ROBO1: variants seen among roughly 807,000 people sequenced by gnomAD.
ROBO1 encodes the protein roundabout homolog 1.
A neutral mutation model predicts 195.9 loss-of-function variants in ROBO1; 149 were observed. That is an observed-to-expected ratio of 0.76 (90% CI 0.67 to 0.87). The LOEUF (loss-of-function observed/expected upper bound fraction) is 0.87, where lower values mean the gene tolerates loss of function less well. Among genes scored for constraint, ROBO1 ranks in the 40% least tolerant of loss-of-function variants. ROBO1 has a pLI of 0.00. For missense variants in ROBO1, 1,933 were observed against 2,068.3 expected, an observed-to-expected ratio of 0.93 and a Z score of 1.27; for synonymous variants, 816 against 733.2, an observed-to-expected ratio of 1.11 and a Z score of -1.82.
At chr3:79,333,569 C>T (rs2034540115) in intron 2 of ROBO1, among the ~76,000 whole-genome samples, 1 of 152,080 alleles carries the variant, frequency 6.6e-6, no homozygotes, top group Non-Finnish European at 1.5e-5. Context: ...GATCTGAATC[C>T]CACCCACTCC....
intron 4 of ROBO1, among the ~76,000 whole-genome samples, chr3:78,831,842 A>T (rs1255541001): frequency 6.6e-6 from 1 of 152,210 alleles, no homozygotes; most frequent in Non-Finnish European, 1.5e-5. Context: ...ACTCCCCTTT[A>T]TAAAACCATC....
At position 79,275,033 on chromosome 3, in the gene ROBO1, G is replaced by A. The variant is rs960330321; in HGVS notation, c.89-149494C>T. ...GAAATGCTCAGGACCCAGTAGATAC[G>A]CTGCTGTATTTTACCAAACATTTAA... On this transcript the variant is annotated intron_variant, in intron 2 of 30. Coordinates refer to ENST00000464233, the MANE Select transcript of ROBO1 (RefSeq NM_002941.4). Among the ~76,000 whole-genome samples, 8 of 151,748 alleles carry A rather than the reference G, an allele frequency of 5.3e-5. No individual in the cohort carries two copies. In the South Asian group the frequency reaches 8.3e-4, roughly 16 times the overall value.
At position 79,240,358 on chromosome 3, in the gene ROBO1, A is replaced by G. The variant is rs567229496; in HGVS notation, c.89-114819T>C. On this transcript the variant is annotated intron_variant, in intron 2 of 30. Transcript: ENST00000464233. ...TCCTATTATGTGGCACAAATTTTTGAAGAAGAAAATGGATATGAACAGTTA... is the reference window on the plus strand; with the variant it reads ...TCCTATTATGTGGCACAAATTTTTGGAGAAGAAAATGGATATGAACAGTTA... Among the ~76,000 whole-genome samples, 15 of 152,282 alleles carry G rather than the reference A, an allele frequency of 9.9e-5. No homozygotes were observed. In the South Asian group the frequency reaches 2.9e-3, roughly 29 times the overall value.
At chr3:79,632,458 C>T (rs544735274) in intron 1 of ROBO1, among the ~76,000 whole-genome samples, 1 of 152,080 alleles carries the variant, frequency 6.6e-6, no homozygotes, top group African/African-American at 2.4e-5. Context: ...AAATAACAGA[C>T]ACTGAGGATT....
chr3:78,838,495 T>C (rs2032926475), intron 4 of ROBO1, among the ~76,000 whole-genome samples: 1 of 152,190 alleles, frequency 6.6e-6, no homozygotes, highest in Admixed American at 6.5e-5. Flanking sequence ...AGACTGGGCA[T>C]CTGGTGACGG....
chr3:79,397,589 C>T (rs1365835631), intron 2 of ROBO1, among the ~76,000 whole-genome samples: 2 of 152,096 alleles, frequency 1.3e-5, no homozygotes, highest in South Asian at 2.1e-4. Flanking sequence ...GCCTTAAATT[C>T]AAAACAAGCA....
intron 4 of ROBO1, among the ~76,000 whole-genome samples, chr3:78,775,134 C>CA (rs2083472061): frequency 6.6e-6 from 1 of 152,104 alleles, no homozygotes; most frequent in Admixed American, 6.6e-5. Context: ...GTACCCATGA[C>CA]AAAACAAAGA....
intron 1 of ROBO1, among the ~76,000 whole-genome samples, chr3:79,605,558 T>C (rs1365379853): frequency 6.6e-6 from 1 of 151,978 alleles, no homozygotes; most frequent in East Asian, 1.9e-4. Flanking sequence ...TTCCCAGCTC[T>C]ACCATTCAGG....
intron 2 of ROBO1, among the ~76,000 whole-genome samples, chr3:79,292,101 A>G (rs2032285155): frequency 6.6e-6 from 1 of 152,164 alleles, no homozygotes; most frequent in Non-Finnish European, 1.5e-5. Context: ...CATCCCTTGT[A>G]AGTTGTATTC....
chr3:79,186,661 T>G (rs1317376924), intron 2 of ROBO1, among the ~76,000 whole-genome samples: 1 of 152,078 alleles, frequency 6.6e-6, no homozygotes, highest in Non-Finnish European at 1.5e-5. Flanking sequence ...GACCATGTGG[T>G]TCACTTTCAG....
At chr3:78,925,092 A>C (rs1250901724) in intron 4 of ROBO1, among the ~76,000 whole-genome samples, 1 of 152,118 alleles carries the variant, frequency 6.6e-6, no homozygotes, top group Non-Finnish European at 1.5e-5. Flanking sequence ...GTAAACATTG[A>C]GGTAAACTTT....
intron 2 of ROBO1, among the ~76,000 whole-genome samples, chr3:79,381,373 A>G (rs868793048): frequency 2.6e-3 from 298 of 115,354 alleles, no homozygotes; most frequent in Non-Finnish European, 4.1e-3. Context: ...AAAAAAAAAA[A>G]AAAAGAAAAG....
intron 3 of ROBO1, among the ~76,000 whole-genome samples, chr3:79,087,193 T>C (rs2079386930): frequency 6.6e-6 from 1 of 152,070 alleles, no homozygotes; most frequent in East Asian, 1.9e-4. Flanking sequence ...GATACACAAC[T>C]CTAGAAAAAC....
At chr3:79,059,654 C>T (rs1002929596) in intron 3 of ROBO1, among the ~76,000 whole-genome samples, 1 of 151,972 alleles carries the variant, frequency 6.6e-6, no homozygotes. Flanking sequence ...GTCTTTACTG[C>T]AATCTCTGAA....
intron 7 of ROBO1, among the ~76,000 whole-genome samples, chr3:78,716,395 C>T (rs2081903591): frequency 6.6e-6 from 1 of 151,826 alleles, no homozygotes; most frequent in African/African-American, 2.4e-5. Context: ...GAATGAGTGC[C>T]AGCAGGGGAA....
At chr3:79,107,421 A>G (rs2079805405) in intron 3 of ROBO1, among the ~76,000 whole-genome samples, 1 of 151,814 alleles carries the variant, frequency 6.6e-6, no homozygotes, top group African/African-American at 2.4e-5. Context: ...AGTTGCAAAC[A>G]TAAAATACAT....
intron 3 of ROBO1, among the ~76,000 whole-genome samples, chr3:78,952,767 A>C (rs571924727): frequency 6.6e-6 from 1 of 152,238 alleles, no homozygotes; most frequent in African/African-American, 2.4e-5. Context: ...GGAATGGATT[A>C]TAATAACTAC....
intron 2 of ROBO1, among the ~76,000 whole-genome samples, chr3:79,202,557 G>A: frequency 6.7e-6 from 1 of 148,230 alleles, no homozygotes. Flanking sequence ...AAATGGAGTT[G>A]AGATCAACTA....
rs145186389 is a variant in ROBO1 at position 79,496,387 on chromosome 3, C to CATTTTTTTTTTTTTTTTTTTTTTT, written c.88+93436_88+93437insAAAAAAAAAAAAAAAAAAAAAAAT. 3.1e-3 allele frequency among the ~76,000 whole-genome samples: 347 copies of CATTTTTTTTTTTTTTTTTTTTTTT among 112,548 alleles called. 81 individuals carry two copies. The highest frequency in any genetic ancestry group is 4.3e-3 in the Middle Eastern group (1 of 232). 73.8% of individuals were successfully genotyped at this position (112,548 alleles called of 152,430 possible). On this transcript the variant is annotated intron_variant, in intron 2 of 30. Coordinates refer to ENST00000464233, the MANE Select transcript of ROBO1 (RefSeq NM_002941.4). Reference sequence around the variant, plus strand: ...TTTTGGTATAATGCTGCGCACCCATCTTTTTTTGAGACGGAGTCTCGCTCT... The same window carrying CATTTTTTTTTTTTTTTTTTTTTTT: ...TTTTGGTATAATGCTGCGCACCCATCATTTTTTTTTTTTTTTTTTTTTTTTTTTTTTGAGACGGAGTCTCGCTCT...
Sources: gnomAD v4.1 joint callset for allele counts (sites outside exome capture counted in the v4.1 genomes callset) on GRCh38, gnomAD v4.1.1 for gene constraint, MANE v1.5 for transcripts, NCBI Gene and HGNC (gene_info 2026-07-23, HGNC 2026-07-21) for gene names.